HMGCLL1: variants seen among roughly 807,000 people sequenced by gnomAD.
HMGCLL1 encodes the protein 3-hydroxy-3-methylglutaryl-CoA lyase like 1, also known as 3-hydroxymethyl-3-methylglutaryl-CoA lyase, cytoplasmic.
In HMGCLL1, 36 loss-of-function variants were observed where a neutral mutation model predicts 39.1. That is an observed-to-expected ratio of 0.92 (90% CI 0.71 to 1.22). HMGCLL1 has a LOEUF of 1.22. Ranked by LOEUF, HMGCLL1 falls within the 50% of genes most tolerant of loss-of-function variation. The pLI, the probability that HMGCLL1 is intolerant of heterozygous loss-of-function variation, is 0.00. For synonymous variants in HMGCLL1, 149 were observed against 144.0 expected (o/e 1.03, Z -0.25); for missense variants, 451 against 416.5 (o/e 1.08, Z -0.72).
intron 8 of HMGCLL1, 48 bp downstream of exon 8, chr6:55,439,386 G>C (rs765281176): frequency 6.5e-7 from 1 of 1,549,342 alleles, no homozygotes; most frequent in Admixed American, 1.8e-5. Flanking sequence ...TTTGCAATTT[G>C]GAGCTGCAAG....
chr6:55,436,500 A>G (rs1763377259), intron 8 of HMGCLL1, among the ~76,000 whole-genome samples: 1 of 151,932 alleles, frequency 6.6e-6, no homozygotes, highest in Admixed American at 6.6e-5. Context: ...CAAAGTTTCC[A>G]CCCAGCACTT....
chr6:55,572,260 T>G (rs1325177331), intron 1 of HMGCLL1, among the ~76,000 whole-genome samples: 2 of 152,032 alleles, frequency 1.3e-5, no homozygotes, highest in African/African-American at 2.4e-5. Context: ...TAAATAATAA[T>G]AAGAAAATAC....
chr6:55,612,472 G>T, the HMGCLL1 span, among the ~76,000 whole-genome samples: 1 of 151,976 alleles, frequency 6.6e-6, no homozygotes. Context: ...TGTGGAACCA[G>T]AAAAGAACCT....
chr6:55,645,524 T>G, the HMGCLL1 span, among the ~76,000 whole-genome samples: 130 of 152,172 alleles, frequency 8.5e-4, no homozygotes, highest in Middle Eastern at 3.4e-3. Flanking sequence ...AGTATAATAC[T>G]AGCTGTGGGT....
At chr6:55,493,524 A>C (rs1382601462) in intron 7 of HMGCLL1, among the ~76,000 whole-genome samples, 1 of 152,170 alleles carries the variant, frequency 6.6e-6, no homozygotes, top group African/African-American at 2.4e-5. Context: ...AATTCAACCA[A>C]TTTAGCAAAT....
chr6:55,670,741 G>A, the HMGCLL1 span, among the ~76,000 whole-genome samples: 1 of 151,604 alleles, frequency 6.6e-6, no homozygotes, highest in African/African-American at 2.4e-5. Flanking sequence ...GCAGAAAAGG[G>A]GAAACATATA....
intron 3 of HMGCLL1, among the ~76,000 whole-genome samples, chr6:55,518,235 A>G (rs1449970530): frequency 6.8e-6 from 1 of 147,274 alleles, no homozygotes; most frequent in Non-Finnish European, 1.5e-5. Context: ...ACAGATACAC[A>G]TGGAATGTTA....
intron 1 of HMGCLL1, among the ~76,000 whole-genome samples, chr6:55,574,442 G>T (rs1485147446): frequency 6.6e-6 from 1 of 151,812 alleles, no homozygotes; most frequent in Admixed American, 6.6e-5. Context: ...TTAATAAGTT[G>T]TAATAGTACT....
At chr6:55,435,956 C>A (rs1763353584) in intron 8 of HMGCLL1, among the ~76,000 whole-genome samples, 193 bp from the exon 9 acceptor site, 2 of 151,926 alleles carry the variant, frequency 1.3e-5, no homozygotes, top group African/African-American at 4.8e-5. Flanking sequence ...GATTTGTCTG[C>A]TTTATTACAG....
At chr6:55,663,269 C>A in the HMGCLL1 span, among the ~76,000 whole-genome samples, 1 of 150,192 alleles carries the variant, frequency 6.7e-6, no homozygotes, top group Non-Finnish European at 1.5e-5. Flanking sequence ...TTTGCAGTTG[C>A]AATGTTAGGT....
the HMGCLL1 span, among the ~76,000 whole-genome samples, chr6:55,643,055 G>T: frequency 6.6e-6 from 1 of 152,038 alleles, no homozygotes; most frequent in Admixed American, 6.6e-5. Flanking sequence ...TGGGCAGTTA[G>T]GTTGTTTCCA....
chr6:55,649,374 G>GT, the HMGCLL1 span, among the ~76,000 whole-genome samples: 351 of 140,460 alleles, frequency 2.5e-3, no homozygotes, highest in East Asian at 0.012. Context: ...AGGGTAAAAG[G>GT]TTTTTTTTTT....
At chr6:55,543,829 T>C (rs924505275) in intron 1 of HMGCLL1, among the ~76,000 whole-genome samples, 4 of 151,752 alleles carry the variant, frequency 2.6e-5, no homozygotes, top group African/African-American at 9.7e-5. Flanking sequence ...GCAGTGGTTG[T>C]GCCACTGCAT....
chr6:55,560,670 G>C (rs1561963545), intron 1 of HMGCLL1, among the ~76,000 whole-genome samples: 1 of 152,006 alleles, frequency 6.6e-6, no homozygotes, highest in East Asian at 1.9e-4. Context: ...TGCTGCTGTT[G>C]AATGACTCCC....
At chr6:55,467,623 G>A (rs1475371068) in intron 7 of HMGCLL1, among the ~76,000 whole-genome samples, 1 of 152,028 alleles carries the variant, frequency 6.6e-6, no homozygotes, top group African/African-American at 2.4e-5. Context: ...ATGGCATCGA[G>A]TAATCATCTA....
At chr6:55,606,661 T>C in the HMGCLL1 span, among the ~76,000 whole-genome samples, 3 of 152,204 alleles carry the variant, frequency 2.0e-5, no homozygotes, top group African/African-American at 7.2e-5. Context: ...CATGCTAAAA[T>C]TAGTTTTATT....
At chr6:55,645,052 TG>T in the HMGCLL1 span, among the ~76,000 whole-genome samples, 3 of 152,184 alleles carry the variant, frequency 2.0e-5, no homozygotes, top group East Asian at 5.8e-4. Flanking sequence ...TTCCATTTTT[TG>T]TTATCCTCTC....
At chr6:55,528,988 T>G in intron 3 of HMGCLL1, among the ~76,000 whole-genome samples, 1 of 152,140 alleles carries the variant, frequency 6.6e-6, no homozygotes, top group Admixed American at 6.6e-5. Context: ...AATGGATCTG[T>G]GAGTTATAAA....
At chr6:55,499,343 A>C in intron 5 of HMGCLL1, 44 bp from the exon 6 acceptor site, 3 of 1,366,160 alleles carry the variant, frequency 2.2e-6, no homozygotes, top group Non-Finnish European at 3.0e-6. Context: ...ATGGTAAATA[A>C]GCCATTTCCA....
Sources: gnomAD v4.1 joint callset for allele counts (sites outside exome capture counted in the v4.1 genomes callset) on GRCh38, gnomAD v4.1.1 for gene constraint, MANE v1.5 for transcripts, NCBI Gene and HGNC (gene_info 2026-07-23, HGNC 2026-07-21) for gene names.